TRPC5: variants seen among roughly 807,000 people sequenced by gnomAD.
TRPC5 encodes the protein short transient receptor potential channel 5.
A neutral mutation model predicts 56.5 loss-of-function variants in TRPC5; 9 were observed. That is an observed-to-expected ratio of 0.16 (90% CI 0.10 to 0.28). The LOEUF (loss-of-function observed/expected upper bound fraction) is 0.28, where lower values mean the gene tolerates loss of function less well. TRPC5 is among the 10% of genes least tolerant of loss of function. The pLI, the probability that TRPC5 is intolerant of heterozygous loss-of-function variation, is 1.00. For missense variants in TRPC5, 469 were observed against 748.9 expected (o/e 0.63, Z 4.36); for synonymous variants, 282 against 278.5 (o/e 1.01, Z -0.13).
intron 1 of TRPC5, among the ~76,000 whole-genome samples, chrX:111,961,675 C>G (rs1185730306): frequency 8.9e-6 from 1 of 112,018 alleles, no homozygotes; most frequent in Non-Finnish European, 1.9e-5. Context: ...ACATAAAGAT[C>G]TTCACATATA....
At chrX:111,956,005 T>C (rs1927224818) in intron 1 of TRPC5, among the ~76,000 whole-genome samples, 1 of 112,696 alleles carries the variant, frequency 8.9e-6, no homozygotes, top group Non-Finnish European at 1.9e-5. Context: ...CTCAGAGGGC[T>C]TATCATGTTC....
chrX:111,905,352 T>TAACCAACCAACC (rs745965670), intron 3 of TRPC5, among the ~76,000 whole-genome samples: 1 of 110,643 alleles, frequency 9.0e-6, no homozygotes, highest in Non-Finnish European at 1.9e-5. Flanking sequence ...ACAAACCAAC[T>TAACCAACCAACC]AACCAACCAA....
rs1313213073 is a variant in TRPC5, at chrX:111,995,658, A to G, written c.-21-43217T>C. On this transcript the variant is annotated intron_variant, in intron 1 of 10. Coordinates refer to ENST00000262839, the MANE Select transcript of TRPC5 (RefSeq NM_012471.3). Reference sequence around the variant, plus strand: ...CAATTTCAGAACCTGTTATTGGTCTATTCAGAGATTCAACTTCTTCCTAGT... The same window carrying G: ...CAATTTCAGAACCTGTTATTGGTCTGTTCAGAGATTCAACTTCTTCCTAGT... 3.6e-5 allele frequency among the ~76,000 whole-genome samples: 4 copies of G among 111,853 alleles called. No individual in the cohort carries two copies. The South Asian group carries it at 1.5e-3, about 42-fold the overall frequency.
intron 1 of TRPC5, among the ~76,000 whole-genome samples, chrX:111,992,895 AATT>A (rs1026070497): frequency 1.8e-5 from 2 of 110,054 alleles, no homozygotes; most frequent in Non-Finnish European, 3.8e-5. Flanking sequence ...CAGCCTTTAA[AATT>A]ATTATTATTA....
intron 3 of TRPC5, among the ~76,000 whole-genome samples, chrX:111,904,153 C>G (rs1490156598): frequency 8.9e-6 from 1 of 111,871 alleles, no homozygotes; most frequent in Non-Finnish European, 1.9e-5. Flanking sequence ...AAGCAAATCT[C>G]TAAACATAGT....
At chrX:112,074,824 G>T (rs1930798375) in intron 1 of TRPC5, among the ~76,000 whole-genome samples, 1 of 112,292 alleles carries the variant, frequency 8.9e-6, no homozygotes. Flanking sequence ...CCAAGTGATT[G>T]ATATTAGGGG....
intron 1 of TRPC5, among the ~76,000 whole-genome samples, chrX:112,035,091 A>T (rs527981942): frequency 0.11 from 9,257 of 84,841 alleles, 397 homozygotes; most frequent in Non-Finnish European, 0.13. Context: ...TTTTTTTTTA[A>T]AAAAAAAAAA....
In TRPC5 at chrX:111,834,991, T is replaced by C. The variant is rs750861309; in HGVS notation, c.1826A>G (p.Asn609Ser). 2 of 1,211,436 alleles carry C rather than the reference T, an allele frequency of 1.7e-6. No individual in the cohort carries two copies. Among genetic ancestry groups the C allele is most frequent in the South Asian group, 1.8e-5 (1 of 56,947 alleles). Residue 609 changes from asparagine (N) to serine (S), a missense_variant, in exon 7 of 11, where the codon AAT (asparagine) becomes AGT (serine). Asn to Ser is a conservative substitution (Grantham distance 46, BLOSUM62 1). Coordinates refer to ENST00000262839, the MANE Select transcript of TRPC5 (RefSeq NM_012471.3). ...CAGCAGCACTACCAGGGAGATGACA[T>C]TGTATGTTCCAAACATGGTAGCTCC... ...FVGATMFGTY[N>S]VISLVVLLNM...
At chrX:111,784,498 C>T (rs933083543) in intron 7 of TRPC5, among the ~76,000 whole-genome samples, 3 of 111,406 alleles carry the variant, frequency 2.7e-5, no homozygotes, top group Non-Finnish European at 3.8e-5. Context: ...CAGCTCCCAG[C>T]GTGATCGACA....
intron 1 of TRPC5, among the ~76,000 whole-genome samples, chrX:112,015,660 C>T (rs768257677): frequency 1.8e-5 from 2 of 111,322 alleles, no homozygotes; most frequent in East Asian, 2.8e-4. Context: ...TTTTTTTAGA[C>T]CTCAATCTCC....
intron 3 of TRPC5, among the ~76,000 whole-genome samples, chrX:111,860,059 C>T (rs1923354252): frequency 8.9e-6 from 1 of 112,400 alleles, no homozygotes; most frequent in Admixed American, 9.3e-5. Flanking sequence ...CAGGCGCCCG[C>T]CACCACGACC....
At chrX:111,904,847 T>C (rs1037799445) in intron 3 of TRPC5, among the ~76,000 whole-genome samples, 1 of 112,023 alleles carries the variant, frequency 8.9e-6, no homozygotes, top group Admixed American at 9.5e-5. Flanking sequence ...AAAGTCTATT[T>C]GATATGAAAT....
intron 2 of TRPC5, among the ~76,000 whole-genome samples, chrX:111,935,815 T>C (rs1211850431): frequency 1.8e-5 from 2 of 111,742 alleles, no homozygotes; most frequent in Non-Finnish European, 3.8e-5. Context: ...CTCTATTCTG[T>C]TCCACTGGTC....
chrX:111,844,665 A>C (rs763074390), intron 6 of TRPC5, among the ~76,000 whole-genome samples: 1 of 108,925 alleles, frequency 9.2e-6, no homozygotes, highest in East Asian at 3.0e-4. Flanking sequence ...GGGTTTCTCC[A>C]TGTTGGCCAG....
chrX:111,955,524 A>G (rs1282261579), intron 1 of TRPC5, among the ~76,000 whole-genome samples: 2 of 111,979 alleles, frequency 1.8e-5, no homozygotes, highest in Non-Finnish European at 3.8e-5. Flanking sequence ...GCTCTATACT[A>G]CGAATAAAGA....
chrX:111,849,784 A>G (rs1255126614), intron 5 of TRPC5, among the ~76,000 whole-genome samples: 1 of 112,143 alleles, frequency 8.9e-6, no homozygotes, highest in African/African-American at 3.2e-5. Flanking sequence ...CCTACTGCTT[A>G]TTTATCAGAG....
intron 7 of TRPC5, among the ~76,000 whole-genome samples, chrX:111,793,363 A>G (rs900263949): frequency 2.7e-5 from 3 of 112,205 alleles, no homozygotes; most frequent in Non-Finnish European, 5.6e-5. Flanking sequence ...CAATGAAAAG[A>G]CAAACCAATG....
chrX:111,956,029 C>G (rs1927225841), intron 1 of TRPC5, among the ~76,000 whole-genome samples: 1 of 112,658 alleles, frequency 8.9e-6, no homozygotes, highest in Non-Finnish European at 1.9e-5. Flanking sequence ...CTTTTCTTTG[C>G]TGCTGGCCAG....
chrX:111,970,390 A>C (rs897573749), intron 1 of TRPC5, among the ~76,000 whole-genome samples: 5 of 111,758 alleles, frequency 4.5e-5, no homozygotes, highest in African/African-American at 1.6e-4. Context: ...AGTTCTGCTG[A>C]GTACTCCCTT....
Sources: gnomAD v4.1 joint callset for allele counts (sites outside exome capture counted in the v4.1 genomes callset) on GRCh38, gnomAD v4.1.1 for gene constraint, MANE v1.5 for transcripts, NCBI Gene and HGNC (gene_info 2026-07-23, HGNC 2026-07-21) for gene names.